CHCHD3: variants seen among roughly 807,000 people sequenced by gnomAD.
CHCHD3 encodes the protein MICOS complex subunit MIC19.
CHCHD3 carries 20 observed loss-of-function variants against 38.2 expected under a neutral mutation model. The ratio of observed to expected loss-of-function variants is 0.52; its 90% CI spans 0.37 to 0.76. CHCHD3 has a LOEUF of 0.76. CHCHD3 is among the 30% of genes least tolerant of loss of function. The probability of loss-of-function intolerance (pLI) is 0.00; values close to 1 mark genes in which losing one functional copy is unlikely to be tolerated. For missense variants in CHCHD3, 245 were observed against 279.2 expected (o/e 0.88, Z 0.87); for synonymous variants, 82 against 100.0 (o/e 0.82, Z 1.07).
At chr7:132,983,350 G>A (rs148983815) in intron 3 of CHCHD3, among the ~76,000 whole-genome samples, 2 of 152,166 alleles carry the variant, frequency 1.3e-5, no homozygotes, top group East Asian at 3.9e-4. Flanking sequence ...GTATCAAAAT[G>A]TATGCACACA....
intron 1 of CHCHD3, among the ~76,000 whole-genome samples, chr7:133,071,094 A>C (rs1161194165): frequency 6.6e-6 from 1 of 152,198 alleles, no homozygotes; most frequent in Non-Finnish European, 1.5e-5. Context: ...AGGAACACAC[A>C]GCCTTGCGGA....
intron 2 of CHCHD3, among the ~76,000 whole-genome samples, chr7:133,066,607 A>T (rs1814677327): frequency 6.6e-6 from 1 of 152,164 alleles, no homozygotes; most frequent in Non-Finnish European, 1.5e-5. Context: ...ACAGCTGGTC[A>T]TGGACCAAAG....
intron 4 of CHCHD3, among the ~76,000 whole-genome samples, chr7:132,904,963 C>T (rs1334444837): frequency 6.6e-6 from 1 of 152,124 alleles, no homozygotes; most frequent in Non-Finnish European, 1.5e-5. Flanking sequence ...AAGCTGGAAA[C>T]CATCATTCTC....
At chr7:132,810,797 C>T (rs1807050638) in intron 6 of CHCHD3, among the ~76,000 whole-genome samples, 1 of 152,186 alleles carries the variant, frequency 6.6e-6, no homozygotes, top group Admixed American at 6.5e-5. Flanking sequence ...TGCCATTACA[C>T]ACAACCCAAC....
intron 4 of CHCHD3, among the ~76,000 whole-genome samples, chr7:132,927,831 A>G (rs576908156): frequency 6.6e-6 from 1 of 152,266 alleles, no homozygotes; most frequent in South Asian, 2.1e-4. Flanking sequence ...CGTCTTTAAG[A>G]CTTCCTTTTA....
At chr7:132,945,581 G>A (rs1024252793) in intron 4 of CHCHD3, among the ~76,000 whole-genome samples, 1 of 151,686 alleles carries the variant, frequency 6.6e-6, no homozygotes, top group Non-Finnish European at 1.5e-5. Context: ...CCAAAAGAGG[G>A]GTCTGAAGAA....
At chr7:132,986,341 T>C (rs1812119957) in intron 3 of CHCHD3, among the ~76,000 whole-genome samples, 1 of 147,814 alleles carries the variant, frequency 6.8e-6, no homozygotes, top group South Asian at 2.2e-4. Context: ...CCCTCCACTA[T>C]TGTCCTGTGA....
intron 4 of CHCHD3, among the ~76,000 whole-genome samples, chr7:132,905,642 A>T (rs991461628): frequency 1.3e-5 from 2 of 152,188 alleles, no homozygotes; most frequent in African/African-American, 4.8e-5. Context: ...CTTACCTGTA[A>T]ATAAGAATCC....
At chr7:132,815,322 A>G (rs996102778) in intron 6 of CHCHD3, among the ~76,000 whole-genome samples, 10 of 152,228 alleles carry the variant, frequency 6.6e-5, no homozygotes, top group African/African-American at 2.2e-4. Context: ...CCAGGAGACT[A>G]TTTCAAAAAT....
At chr7:132,914,167 T>TGTGTGTGTGTGTGTG (rs1585632461) in intron 4 of CHCHD3, among the ~76,000 whole-genome samples, 2 of 144,906 alleles carry the variant, frequency 1.4e-5, no homozygotes, top group African/African-American at 5.1e-5. Context: ...TGTGTGTGTG[T>TGTGTGTGTGTGTGTG]TTAGTAGAGA....
At chr7:132,833,490 A>C (rs1807697830) in intron 6 of CHCHD3, among the ~76,000 whole-genome samples, 1 of 152,172 alleles carries the variant, frequency 6.6e-6, no homozygotes, top group African/African-American at 2.4e-5. Context: ...AAAGAGGAGA[A>C]CTAACTTTGA....
In CHCHD3 at chr7:132,975,924, T is replaced by TC. The variant is rs1811755137; in HGVS notation, c.252-639_252-638insG. Among the ~76,000 whole-genome samples the TC allele has an allele frequency of 3.3e-5, 3 of 90,234 alleles. No individual in the cohort carries two copies. The South Asian group carries it at 1.1e-3, about 34-fold the overall frequency. The allele number at this position is 90,234 out of a possible 152,430, so 59.2% of individuals were successfully genotyped here. ...CTAGCCTGGGCGAATGAGACTCCGTTTAAAAAAAAAAAAAAAAGCCATCTA... is the reference window on the plus strand; with the variant it reads ...CTAGCCTGGGCGAATGAGACTCCGTTCTAAAAAAAAAAAAAAAAGCCATCTA... On this transcript the variant is annotated intron_variant, in intron 3 of 7. Coordinates refer to ENST00000262570, the MANE Select transcript of CHCHD3 (RefSeq NM_017812.4).
At chr7:132,919,140 G>C (rs1810195855) in intron 4 of CHCHD3, among the ~76,000 whole-genome samples, 1 of 93,440 alleles carries the variant, frequency 1.1e-5, no homozygotes. Context: ...ACGGAGTCTT[G>C]CTCTGTCGCC....
intron 4 of CHCHD3, among the ~76,000 whole-genome samples, chr7:132,888,184 G>A (rs1487411735): frequency 6.6e-6 from 1 of 151,662 alleles, no homozygotes; most frequent in Non-Finnish European, 1.5e-5. Context: ...AAACAAAAAA[G>A]CAGAAGGATA....
intron 2 of CHCHD3, among the ~76,000 whole-genome samples, chr7:133,039,127 T>C (rs1374825735): frequency 1.3e-5 from 2 of 152,212 alleles, no homozygotes; most frequent in Admixed American, 6.5e-5. Context: ...CCAATTTCTT[T>C]TTTTTTAAGT....
chr7:133,052,919 T>G (rs1047359123), intron 2 of CHCHD3, among the ~76,000 whole-genome samples: 1 of 152,216 alleles, frequency 6.6e-6, no homozygotes, highest in Admixed American at 6.5e-5. Flanking sequence ...AAACCCATGA[T>G]AAGCCTGAAG....
intron 7 of CHCHD3, among the ~76,000 whole-genome samples, chr7:132,785,966 C>A (rs1806305787): frequency 6.6e-6 from 1 of 152,074 alleles, no homozygotes; most frequent in African/African-American, 2.4e-5. Context: ...TCACTTGAGC[C>A]CAGAAGCTTG....
intron 4 of CHCHD3, among the ~76,000 whole-genome samples, chr7:132,922,660 T>A (rs553681179): frequency 6.6e-6 from 1 of 152,178 alleles, no homozygotes; most frequent in Non-Finnish European, 1.5e-5. Context: ...ATTTCCCACT[T>A]GGGCAAGAAA....
chr7:132,848,105 A>T (rs191195678), intron 5 of CHCHD3, among the ~76,000 whole-genome samples: 71 of 152,284 alleles, frequency 4.7e-4, no homozygotes, highest in African/African-American at 1.6e-3. Flanking sequence ...GCTGAAGGTG[A>T]GACTGTCCTG....
Sources: gnomAD v4.1 joint callset for allele counts (sites outside exome capture counted in the v4.1 genomes callset) on GRCh38, gnomAD v4.1.1 for gene constraint, MANE v1.5 for transcripts, NCBI Gene and HGNC (gene_info 2026-07-23, HGNC 2026-07-21) for gene names.